Variants in PNPO observed in about 807,000 individuals in gnomAD.
The protein encoded by PNPO is pyridoxamine 5'-phosphate oxidase.
PNPO carries 39 observed loss-of-function variants against 35.0 expected under a neutral mutation model. The observed-to-expected ratio is 1.11, with a 90% CI of 0.86 to 1.45. The LOEUF (loss-of-function observed/expected upper bound fraction) is 1.45. Among genes scored for constraint, PNPO ranks in the 40% most tolerant of loss-of-function variants. The pLI is 0.00. For synonymous variants in PNPO, 115 were observed against 119.8 expected (o/e 0.96, Z 0.26); for missense variants, 288 against 340.0 (o/e 0.85, Z 1.20).
chr17:47,942,121 C>G, intron 1 of PNPO: 1 of 912,268 alleles, frequency 1.1e-6, no homozygotes, highest in Non-Finnish European at 1.4e-6. Flanking sequence ...GTTTCCTCAT[C>G]TGGGAAGTGA....
rs1025645549 is a variant in PNPO at position 47,941,712 on chromosome 17, G to T, written c.37G>T (p.Gly13Trp). 6.5e-6 allele frequency: 10 copies of T among 1,542,804 alleles called. No homozygotes were observed. In the African/African-American group the frequency reaches 1.4e-4, roughly 21 times the overall value. ...CWLRGVTATF[G>W]RPAEWPGYLS... ...GCTGCGGGGCGTCACGGCGACGTTC[G>T]GGCGACCTGCCGAGTGGCCAGGCTA... Residue 13 changes from glycine (G) to tryptophan (W), a missense_variant, in exon 1 of 7, where the codon GGG (glycine) becomes TGG (tryptophan). Transcript: ENST00000642017.
At chr17:47,942,009 A>G in intron 1 of PNPO, 196 bp downstream of exon 1, 2 of 1,326,806 alleles carry the variant, frequency 1.5e-6, no homozygotes, top group Non-Finnish European at 1.9e-6. Context: ...GTTCCGGGGA[A>G]ACGCAAATGA....
Position 47,945,455 on chromosome 17 carries a change from C to A in PNPO, c.364-104C>A. ...AAATGAGCTCTTACGGTGGGTGCAT[C>A]TGCTGTGGGCCTGCGCACTACAGCT... On this transcript the variant is annotated intron_variant, in intron 3 of 6. Transcript: ENST00000642017. The surrounding 1 kb of genome is among the most constrained non-coding windows in gnomAD (Gnocchi z 4.0). 1.2e-6 allele frequency: 1 copy of A among 866,804 alleles called. No individual in the cohort carries two copies. Among genetic ancestry groups the A allele is most frequent in the Non-Finnish European group, 2.0e-6 (1 of 500,910 alleles). 53.7% of individuals were successfully genotyped at this position (866,804 alleles called of 1,614,324 possible). A position where few individuals can be genotyped will look rare whatever the true frequency, so the allele number is the denominator to read the frequency against.
In PNPO at chr17:47,946,314, C is replaced by A. The variant is rs2036007995; in HGVS notation, c.547-9C>A. 6.2e-7 allele frequency: 1 copy of A among 1,605,418 alleles called. No individual in the cohort carries two copies. Among genetic ancestry groups the A allele is most frequent in the Non-Finnish European group, 8.5e-7 (1 of 1,172,274 alleles). ...CCTGGCCCTTCTTCTAACTCTTCCC[C>A]CTGGACAGTATCTGAGAAAGAAAAA... On this transcript the variant is annotated splice_polypyrimidine_tract_variant and intron_variant, in intron 5 of 6. Coordinates refer to ENST00000642017, the MANE Select transcript of PNPO (RefSeq NM_018129.4).
At position 47,948,618 on chromosome 17, in the gene PNPO, C is replaced by A. The variant is rs1181763064; in HGVS notation, c.*1836C>A. The A allele has an allele frequency of 6.6e-6, 1 of 152,288 alleles. No individual in the cohort carries two copies. The highest frequency in any genetic ancestry group is 1.5e-5 in the Non-Finnish European group (1 of 68,112). The allele number at this position is 152,288 out of a possible 1,614,324, so 9.4% of individuals were successfully genotyped here. A position where few individuals can be genotyped will look rare whatever the true frequency, so the allele number is the denominator to read the frequency against. ...CTTGGCAGCGCCTTAGAGATTCAGA[C>A]CCCAGACCCACTGAATCTGACCCTG... On this transcript the variant is annotated 3_prime_UTR_variant, in exon 7 of 7. Coordinates refer to ENST00000642017, the MANE Select transcript of PNPO (RefSeq NM_018129.4).
rs1024559235 is a variant in PNPO, at chr17:47,949,240, C to G, written c.*2458C>G. On this transcript the variant is annotated 3_prime_UTR_variant, in exon 7 of 7. Coordinates refer to ENST00000642017, the MANE Select transcript of PNPO (RefSeq NM_018129.4). ...GCTTTGAGCCTGGTCTCAGATGTTC[C>G]TTTTCCGTTCTCTGTCCAGCCGTTA... is the stretch of plus-strand genomic sequence containing the variant. The G allele has an allele frequency of 6.6e-6, 1 of 152,336 alleles. No homozygotes were observed. Among genetic ancestry groups the G allele is most frequent in the African/African-American group, 2.4e-5 (1 of 41,442 alleles). 9.4% of individuals were successfully genotyped at this position (152,336 alleles called of 1,614,324 possible). A position where few individuals can be genotyped will look rare whatever the true frequency, so the allele number is the denominator to read the frequency against.
chr17:47,945,849 A>G lies in PNPO; in HGVS notation c.418-12A>G. 1 of 1,613,136 alleles carries G rather than the reference A, an allele frequency of 6.2e-7. No individual in the cohort carries two copies. On this transcript the variant is annotated splice_polypyrimidine_tract_variant and intron_variant, in intron 4 of 6. Transcript: ENST00000642017. This position sits in a 1 kb window ranked among gnomAD's most constrained non-coding sequence, Gnocchi z 4.0. The stretch of plus-strand genomic sequence containing the variant: ...CATTTAATGCCATTCACCCAGAGCC[A>G]TCCCTGAGCAGGTGCGTGTGGAAGG...
Position 47,945,116 on chromosome 17 carries a change from A to G in PNPO, c.363+401A>G. On this transcript the variant is annotated intron_variant, in intron 3 of 6. Coordinates refer to ENST00000642017, the MANE Select transcript of PNPO (RefSeq NM_018129.4). This position sits in a 1 kb window ranked among gnomAD's most constrained non-coding sequence, Gnocchi z 4.0. ...CTGATATTTGTCTCCTCTGCTCAAC[A>G]GTAAGCTCTGTAGGAGTGGAGGCTG... 1 of 382,302 alleles carries G rather than the reference A, an allele frequency of 2.6e-6. No individual in the cohort carries two copies. The highest frequency in any genetic ancestry group is 6.5e-5 in the East Asian group (1 of 15,402). 23.7% of individuals were successfully genotyped at this position (382,302 alleles called of 1,614,324 possible).
intron 1 of PNPO, chr17:47,942,084 T>G: frequency 1.6e-6 from 2 of 1,238,038 alleles, no homozygotes; most frequent in African/African-American, 1.5e-5. Context: ...CTGCCTGGGT[T>G]GGAATGTTTA....
Position 47,946,582 on chromosome 17 carries a change from C to G in PNPO, c.618-32C>G, listed in dbSNP as rs1567714086. 8.1e-6 allele frequency: 13 copies of G among 1,611,248 alleles called. No homozygotes were observed. In the South Asian group the frequency reaches 1.2e-4, roughly 15 times the overall value. On this transcript the variant is annotated intron_variant, in intron 6 of 6. Coordinates refer to ENST00000642017, the MANE Select transcript of PNPO (RefSeq NM_018129.4). ...AGAGTGACCTGGCTAGAAAACTCCACAGAGCACTGAAACCTCTGCTTCTCC... is the reference window on the plus strand; with the variant it reads ...AGAGTGACCTGGCTAGAAAACTCCAGAGAGCACTGAAACCTCTGCTTCTCC...
At chr17:47,946,142 G>T in intron 5 of PNPO, 153 bp downstream of exon 5, 1 of 1,157,830 alleles carries the variant, frequency 8.6e-7, no homozygotes, top group South Asian at 1.3e-5. Context: ...AAGGGAAAGT[G>T]GGGGTAGGGA....
Position 47,946,777 on chromosome 17 carries a change from C to CCTTAA in PNPO, c.784_*2dup. On this transcript the variant is annotated stop_gained and frameshift_variant, in exon 7 of 7. Coordinates refer to ENST00000642017, the MANE Select transcript of PNPO (RefSeq NM_018129.4). LOFTEE classifies it high-confidence loss of function. ...AGACTGGCTCTATGAGAGACTTGCA[C>CCTTAA]CTTAACTCTGGGACCTGCTGGCCCA... 1 of 1,614,044 alleles carries CCTTAA rather than the reference C, an allele frequency of 6.2e-7. No homozygotes were observed. Among genetic ancestry groups the CCTTAA allele is most frequent in the African/African-American group, 1.3e-5 (1 of 75,040 alleles).
At chr17:47,944,779 C>A in intron 3 of PNPO, 64 bp downstream of exon 3, 1 of 1,313,032 alleles carries the variant, frequency 7.6e-7, no homozygotes, top group South Asian at 1.2e-5. Context: ...CTTCCTCAGT[C>A]ACCTTCTTAT....
Position 47,948,773 on chromosome 17 carries a change from T to A in PNPO, c.*1991T>A, listed in dbSNP as rs1003922382. ...CTGTGCTGAACTGTGTTTGTTCTCC[T>A]TGAGCACATGCCCGCTAACCAGGGA... is the stretch of plus-strand genomic sequence containing the variant. On this transcript the variant is annotated 3_prime_UTR_variant, in exon 7 of 7. Transcript: ENST00000642017. 1.3e-5 allele frequency: 2 copies of A among 152,280 alleles called. No homozygotes were observed. Among genetic ancestry groups the A allele is most frequent in the African/African-American group, 4.8e-5 (2 of 41,460 alleles). 9.4% of individuals were successfully genotyped at this position (152,280 alleles called of 1,614,324 possible).
chr17:47,941,702 G>T lies in PNPO; in HGVS notation c.27G>T (p.Thr9=), dbSNP rs1175138207. MTCWLRGV[T]ATFGRPAEWP... is the part of the protein sequence containing the mutation. ...TGACGTGCTGGCTGCGGGGCGTCAC[G>T]GCGACGTTCGGGCGACCTGCCGAGT... is the stretch of plus-strand genomic sequence containing the variant. The change falls in exon 1 of 7, where the codon ACG becomes ACT. Residue 9 remains threonine, a synonymous_variant. Coordinates refer to ENST00000642017, the MANE Select transcript of PNPO (RefSeq NM_018129.4). 6.5e-7 allele frequency: 1 copy of T among 1,541,326 alleles called. No homozygotes were observed. Among genetic ancestry groups the T allele is most frequent in the Admixed American group, 2.0e-5 (1 of 50,838 alleles).
rs1358961076 is a variant in PNPO at position 47,945,333 on chromosome 17, C to G, written c.364-226C>G. ...CACCCAGTCTCACTTTGGAGTCCGA[C>G]TGGCTTAAACTTAGCTCCACCACTT... On this transcript the variant is annotated intron_variant, in intron 3 of 6. Transcript: ENST00000642017. This position sits in a 1 kb window ranked among gnomAD's most constrained non-coding sequence, Gnocchi z 4.0. 5.4e-6 allele frequency: 3 copies of G among 553,168 alleles called. No individual in the cohort carries two copies. The highest frequency in any genetic ancestry group is 6.4e-5 in the East Asian group (2 of 31,250). The allele number at this position is 553,168 out of a possible 1,614,324, so 34.3% of individuals were successfully genotyped here.
In PNPO at chr17:47,944,705, G is replaced by A. The variant is rs750257461; in HGVS notation, c.353G>A (p.Gly118Glu). Reference sequence around the variant, plus strand: ...TTCACTAACTTCGAGAGTCGAAAAGGAAAAGAGCTGGTGGGTGAAAAGAGC... The same window carrying A: ...TTCACTAACTTCGAGAGTCGAAAAGAAAAAGAGCTGGTGGGTGAAAAGAGC... ...RFFTNFESRK[G>E]KELDSNPFAS... Residue 118 changes from glycine to glutamate, a missense_variant, in exon 3 of 7, where the codon GGA becomes GAA. Physicochemically the swap from Gly to Glu is moderately conservative, Grantham distance 98 (BLOSUM62 -2). Coordinates refer to ENST00000642017, the MANE Select transcript of PNPO (RefSeq NM_018129.4). The A allele has an allele frequency of 6.2e-7, 1 of 1,613,636 alleles. No homozygotes were observed. The highest frequency in any genetic ancestry group is 8.5e-7 in the Non-Finnish European group (1 of 1,179,486).
chr17:47,941,990 A>G (rs1169459351), intron 1 of PNPO, 177 bp downstream of exon 1: 3 of 1,337,198 alleles, frequency 2.2e-6, no homozygotes, highest in African/African-American at 3.0e-5. Context: ...ACATCCCACC[A>G]GGGGAGGAGT....
At chr17:47,944,798 AC>A in intron 3 of PNPO, 83 bp downstream of exon 3, 22 of 1,034,176 alleles carry the variant, frequency 2.1e-5, no homozygotes, top group Non-Finnish European at 2.7e-5. Context: ...ATGCCACCCC[AC>A]CCCCCCAGTC....
Sources: allele counts gnomAD v4.1 joint callset, GRCh38; gene constraint gnomAD v4.1.1; non-coding constraint Gnocchi (gnomAD v3.1); transcripts MANE v1.5; gene names NCBI Gene and HGNC (gene_info 2026-07-23, HGNC 2026-07-21).